The following RGPD2 variants were observed in gnomAD, a reference collection of about 807,000 sequenced individuals.
The protein encoded by RGPD2 is RANBP2-like and GRIP domain-containing protein 2.
In RGPD2, 2 loss-of-function variants were observed where a neutral mutation model predicts 36.0. The ratio of observed to expected loss-of-function variants is 0.06; its 90% confidence interval spans 0.02 to 0.17. The LOEUF is 0.17. RGPD2 is among the 10% of genes least tolerant of loss of function. RGPD2 has a pLI of 1.00. For synonymous variants in RGPD2, 19 were observed against 163.8 expected, an observed-to-expected ratio of 0.12 and a Z score of 6.75; for missense variants, 40 against 464.3, an observed-to-expected ratio of 0.09 and a Z score of 8.40.
the RGPD2 span, among the ~76,000 whole-genome samples, chr2:87,837,544 G>A: frequency 5.6e-3 from 386 of 68,770 alleles, 3 homozygotes; most frequent in African/African-American, 0.022. Flanking sequence ...ACAACGTACC[G>A]GAATCTCTGG....
the RGPD2 span, among the ~76,000 whole-genome samples, chr2:87,846,132 A>G: frequency 6.6e-6 from 1 of 151,530 alleles, no homozygotes; most frequent in Non-Finnish European, 1.5e-5. Context: ...TTACTTGTAT[A>G]TCATAATTTT....
chr2:87,839,542 C>T, the RGPD2 span, among the ~76,000 whole-genome samples: 3 of 151,968 alleles, frequency 2.0e-5, no homozygotes, highest in Admixed American at 6.6e-5. Context: ...CAGTGGAGGA[C>T]TGGATAAAGA....
chr2:87,921,886 A>G, the RGPD2 span, among the ~76,000 whole-genome samples: 2 of 151,998 alleles, frequency 1.3e-5, no homozygotes, highest in African/African-American at 4.8e-5. Context: ...ATTTTCTGAT[A>G]TTGCCTTGGT....
the RGPD2 span, among the ~76,000 whole-genome samples, chr2:87,866,657 T>C: frequency 6.6e-6 from 1 of 152,196 alleles, no homozygotes; most frequent in African/African-American, 2.4e-5. Flanking sequence ...TCACCCCCCT[T>C]CCCTCCTGGA....
the RGPD2 span, among the ~76,000 whole-genome samples, chr2:87,944,710 C>T: frequency 5.0e-5 from 6 of 120,200 alleles, 1 homozygote; most frequent in African/African-American, 2.0e-4. Context: ...TTTCTCACTA[C>T]ATGTCTTATT....
At chr2:87,883,567 A>G in the RGPD2 span, among the ~76,000 whole-genome samples, 42 of 152,046 alleles carry the variant, frequency 2.8e-4, no homozygotes, top group African/African-American at 9.9e-4. Context: ...GCTGCCTACA[A>G]TAGACTCATC....
chr2:87,807,273 C>T (rs1216469430), intron 6 of RGPD2, among the ~76,000 whole-genome samples: 1 of 142,892 alleles, frequency 7.0e-6, no homozygotes, highest in African/African-American at 2.9e-5. Flanking sequence ...TGTAATTTCT[C>T]AAATTAGACA....
At chr2:87,844,320 A>G in the RGPD2 span, among the ~76,000 whole-genome samples, 1 of 149,376 alleles carries the variant, frequency 6.7e-6, no homozygotes, top group Admixed American at 6.7e-5. Context: ...CAGAATAAAA[A>G]TAATTATTAA....
At position 87,773,538 on chromosome 2, in the gene RGPD2, T is replaced by TA. The variant is rs1317322792; in HGVS notation, c.5041-1175dup. Among the ~76,000 whole-genome samples the TA allele has an allele frequency of 1.3e-4, 8 of 60,896 alleles. No homozygotes were observed. The South Asian group carries it at 4.6e-3, about 35-fold the overall frequency. 40.0% of individuals were successfully genotyped at this position (60,896 alleles called of 152,430 possible). ...TGGTGAAACCGTGTCTCTAGTAAAA[T>TA]AAAAAAAATTAGCCGGGCATGGTGG... On this transcript the variant is annotated intron_variant, in intron 21 of 22. Coordinates refer to ENST00000398146, the MANE Select transcript of RGPD2 (RefSeq NM_001078170.3).
chr2:87,848,293 ATTG>A, the RGPD2 span, among the ~76,000 whole-genome samples: 4 of 135,686 alleles, frequency 2.9e-5, no homozygotes, highest in Admixed American at 7.5e-5. Context: ...TATTGTACAA[ATTG>A]TTAATTCATA....
intron 1 of RGPD2, among the ~76,000 whole-genome samples, chr2:87,824,483 T>C (rs1432750952): frequency 2.0e-5 from 3 of 152,032 alleles, no homozygotes; most frequent in Non-Finnish European, 2.9e-5. Context: ...CTAACCTCTT[T>C]ATATTCTTCA....
the RGPD2 span, among the ~76,000 whole-genome samples, chr2:87,877,362 G>A: frequency 6.6e-6 from 1 of 152,272 alleles, no homozygotes; most frequent in East Asian, 1.9e-4. Context: ...TTCATATTTA[G>A]TGCTTCCTTT....
chr2:87,874,054 T>C, the RGPD2 span, among the ~76,000 whole-genome samples: 1 of 151,518 alleles, frequency 6.6e-6, no homozygotes, highest in Non-Finnish European at 1.5e-5. Flanking sequence ...GTTCATGTCC[T>C]TTGCCTATGG....
chr2:87,846,474 A>G, the RGPD2 span, among the ~76,000 whole-genome samples: 6 of 152,220 alleles, frequency 3.9e-5, no homozygotes, highest in East Asian at 1.2e-3. Context: ...AACCCCAAAT[A>G]CATTGACTTG....
the RGPD2 span, among the ~76,000 whole-genome samples, chr2:87,988,779 G>A: frequency 7.9e-5 from 12 of 151,708 alleles, no homozygotes; most frequent in African/African-American, 2.2e-4. Flanking sequence ...GACCTCAAGC[G>A]ATCCACCTGC....
the RGPD2 span, among the ~76,000 whole-genome samples, chr2:87,868,643 AC>A: frequency 6.6e-6 from 1 of 152,130 alleles, no homozygotes; most frequent in Admixed American, 6.6e-5. Context: ...TTCTCAAGTT[AC>A]AATGCCCCAT....
the RGPD2 span, among the ~76,000 whole-genome samples, chr2:87,887,189 A>C: frequency 6.6e-6 from 1 of 151,936 alleles, no homozygotes; most frequent in Non-Finnish European, 1.5e-5. Flanking sequence ...TTTTATTTTC[A>C]GACACTGAAA....
the RGPD2 span, among the ~76,000 whole-genome samples, chr2:87,943,481 T>TTTTG: frequency 1.3e-5 from 2 of 152,036 alleles, no homozygotes; most frequent in South Asian, 2.1e-4. Flanking sequence ...GTGTTTTGTT[T>TTTTG]TTTGTTTGTT....
At chr2:87,814,908 G>A (rs1454523456) in intron 4 of RGPD2, among the ~76,000 whole-genome samples, 2 of 33,974 alleles carry the variant, frequency 5.9e-5, no homozygotes, top group East Asian at 1.0e-3. Flanking sequence ...CAAAAACAAC[G>A]AAAAAAGAAA....
Sources: allele counts gnomAD v4.1 joint callset (sites outside exome capture counted in the v4.1 genomes callset), GRCh38; gene constraint gnomAD v4.1.1; transcripts MANE v1.5; gene names NCBI Gene and HGNC (gene_info 2026-07-23, HGNC 2026-07-21).